The following OSTN variants were observed in gnomAD, a reference collection of about 807,000 sequenced individuals.
The protein encoded by OSTN is osteocrin.
Under a neutral mutation model 12.0 loss-of-function variants are expected in OSTN, and 9 were observed. The observed-to-expected ratio is 0.75, with a 90% CI of 0.45 to 1.30. The LOEUF (loss-of-function observed/expected upper bound fraction) is 1.30. OSTN is among the 50% of genes most tolerant of loss of function. OSTN has a pLI of 0.00. For synonymous variants in OSTN, 59 were observed against 56.9 expected, an observed-to-expected ratio of 1.04 and a Z score of -0.16; for missense variants, 148 against 152.3, an observed-to-expected ratio of 0.97 and a Z score of 0.15.
At chr3:191,212,458 C>T (rs1714482067) in intron 1 of OSTN, 75 bp from the exon 2 acceptor site, 1 of 904,220 alleles carries the variant, frequency 1.1e-6, no homozygotes, top group Non-Finnish European at 1.6e-6. Flanking sequence ...CTCTAACAGT[C>T]CTTTTAGGAA....
In OSTN at chr3:191,262,281, T is replaced by G. The variant is rs79589069; in HGVS notation, c.*13-585T>G. Among the ~76,000 whole-genome samples, 615 of 152,386 alleles carry G rather than the reference T, an allele frequency of 4.0e-3. 6 individuals carry two copies. The highest frequency in any genetic ancestry group is 0.014 in the African/African-American group (593 of 41,594). On this transcript the variant is annotated intron_variant, in intron 4 of 4. Coordinates refer to ENST00000682035, the MANE Select transcript of OSTN (RefSeq NM_198184.2). ...CTTGCTGGCACATCCATTGAGACTT[T>G]TCTTCCACTAATGTGAGACACATGT...
chr3:191,232,331 TAAAAAAAAAAAAAAAAA>T (rs61313474), intron 3 of OSTN, among the ~76,000 whole-genome samples: 1 of 67,494 alleles, frequency 1.5e-5, no homozygotes, highest in Admixed American at 1.6e-4. Context: ...AGACTCTGTC[TAAAAAAAAAAAAAAAAA>T]AAAAAAAAAA....
At chr3:191,214,802 C>T (rs1374516079) in intron 2 of OSTN, among the ~76,000 whole-genome samples, 1 of 152,136 alleles carries the variant, frequency 6.6e-6, no homozygotes, top group Non-Finnish European at 1.5e-5. Flanking sequence ...CACTTGAGGT[C>T]AGGAGTTCAA....
intron 3 of OSTN, among the ~76,000 whole-genome samples, chr3:191,224,205 C>T (rs1714847425): frequency 6.6e-6 from 1 of 151,784 alleles, no homozygotes; most frequent in Non-Finnish European, 1.5e-5. Context: ...TGGAAAAACC[C>T]CGTCTCTACT....
At chr3:191,233,136 A>G (rs927088437) in intron 3 of OSTN, among the ~76,000 whole-genome samples, 1 of 152,202 alleles carries the variant, frequency 6.6e-6, no homozygotes, top group Non-Finnish European at 1.5e-5. Flanking sequence ...GGAGATGGAA[A>G]CAAAAAAATT....
rs551791230 is a variant in OSTN, at chr3:191,243,289, T to C, written c.318-6748T>C. On this transcript the variant is annotated intron_variant, in intron 3 of 4. Transcript: ENST00000682035. ...GTATAAGCATAGCTGTCAATTATAC[T>C]ACTGGGAATATATTGTAGAGGAATC... Among the ~76,000 whole-genome samples the C allele has an allele frequency of 5.3e-5, 8 of 152,316 alleles. No homozygotes were observed. The South Asian group carries it at 1.7e-3, about 32-fold the overall frequency.
intron 3 of OSTN, among the ~76,000 whole-genome samples, chr3:191,227,226 A>G (rs1372395619): frequency 1.3e-5 from 2 of 152,226 alleles, no homozygotes; most frequent in Admixed American, 1.3e-4. Context: ...GCCTTTAGCC[A>G]TGTGAAAAGA....
chr3:191,260,772 C>G (rs1715790630), intron 4 of OSTN, among the ~76,000 whole-genome samples: 1 of 152,210 alleles, frequency 6.6e-6, no homozygotes, highest in East Asian at 1.9e-4. Context: ...CTCTCCAGGA[C>G]ATAAAACTGA....
At chr3:191,207,784 C>A (rs1197401671) in intron 1 of OSTN, among the ~76,000 whole-genome samples, 8 of 152,080 alleles carry the variant, frequency 5.3e-5, no homozygotes, top group Admixed American at 2.0e-4. Context: ...TAAAAATATA[C>A]AATATATCCC....
intron 1 of OSTN, among the ~76,000 whole-genome samples, chr3:191,202,816 T>G (rs1186022496): frequency 6.6e-6 from 1 of 152,208 alleles, no homozygotes; most frequent in Non-Finnish European, 1.5e-5. Context: ...TATTTTCCCT[T>G]TAGTGAGCAT....
chr3:191,219,039 T>G, intron 3 of OSTN, 78 bp downstream of exon 3: 1 of 1,291,588 alleles, frequency 7.7e-7, no homozygotes, highest in Non-Finnish European at 1.1e-6. Flanking sequence ...GAATTCCACA[T>G]GAAAAATACA....
intron 1 of OSTN, among the ~76,000 whole-genome samples, chr3:191,208,154 T>A (rs1474734091): frequency 6.6e-6 from 1 of 151,986 alleles, no homozygotes; most frequent in Admixed American, 6.6e-5. Flanking sequence ...TAAAAAAAAA[T>A]GCAAACACCT....
At chr3:191,257,231 C>T (rs1362508611) in intron 4 of OSTN, among the ~76,000 whole-genome samples, 1 of 144,906 alleles carries the variant, frequency 6.9e-6, no homozygotes, top group Non-Finnish European at 1.5e-5. Flanking sequence ...CACAAATTTA[C>T]ATGCCTTTTT....
At chr3:191,243,525 G>A (rs928878445) in intron 3 of OSTN, among the ~76,000 whole-genome samples, 8 of 152,230 alleles carry the variant, frequency 5.3e-5, no homozygotes, top group African/African-American at 1.7e-4. Flanking sequence ...GCTGAAAGAA[G>A]TGGAGAAAAA....
intron 3 of OSTN, among the ~76,000 whole-genome samples, chr3:191,242,408 G>A (rs1038319509): frequency 2.4e-4 from 37 of 152,146 alleles, no homozygotes; most frequent in African/African-American, 8.4e-4. Flanking sequence ...AATTATACCT[G>A]GATTCAATAC....
At chr3:191,230,728 C>T (rs776780241) in intron 3 of OSTN, among the ~76,000 whole-genome samples, 2 of 152,034 alleles carry the variant, frequency 1.3e-5, no homozygotes, top group Non-Finnish European at 1.5e-5. Flanking sequence ...ATATTGCTGC[C>T]CTCTGGAACG....
At chr3:191,255,560 G>C (rs1715652129) in intron 4 of OSTN, among the ~76,000 whole-genome samples, 1 of 152,104 alleles carries the variant, frequency 6.6e-6, no homozygotes, top group South Asian at 2.1e-4. Flanking sequence ...TATTCTTGCT[G>C]AACTTACACA....
At position 191,211,823 on chromosome 3, in the gene OSTN, T is replaced by C. The variant is rs144092736; in HGVS notation, c.1-710T>C. On this transcript the variant is annotated intron_variant, in intron 1 of 4. Transcript: ENST00000682035. ...CTTTGGCCCATTTTTATTTAATTTG[T>C]GTCTATCTTTAAAGTTATATTTAAA... Among the ~76,000 whole-genome samples, 645 of 152,302 alleles carry C rather than the reference T, an allele frequency of 4.2e-3. 7 individuals carry two copies. The highest frequency in any genetic ancestry group is 0.015 in the African/African-American group (607 of 41,574).
chr3:191,262,482 A>G (rs1427556026), intron 4 of OSTN, among the ~76,000 whole-genome samples: 1 of 152,244 alleles, frequency 6.6e-6, no homozygotes, highest in African/African-American at 2.4e-5. Context: ...GTTATAATAA[A>G]CAGAAAGTAG....
Sources: gnomAD v4.1 joint callset for allele counts (sites outside exome capture counted in the v4.1 genomes callset) on GRCh38, gnomAD v4.1.1 for gene constraint, MANE v1.5 for transcripts, NCBI Gene and HGNC (gene_info 2026-07-23, HGNC 2026-07-21) for gene names.